WDFY4: variants seen among roughly 807,000 people sequenced by gnomAD.
WDFY4 encodes WD repeat- and FYVE domain-containing protein 4.
WDFY4 carries 169 observed loss-of-function variants against 351.9 expected under a neutral mutation model. The observed-to-expected ratio is 0.48, with a 90% CI of 0.42 to 0.55. The LOEUF (loss-of-function observed/expected upper bound fraction) is 0.55, where lower values mean the gene tolerates loss of function less well. Ranked by LOEUF, WDFY4 falls within the 20% of genes least tolerant of loss-of-function variation. The probability of loss-of-function intolerance (pLI) is 0.00; values close to 1 mark genes in which losing one functional copy is unlikely to be tolerated. For synonymous variants in WDFY4, 1,622 were observed against 1,574.6 expected, an observed-to-expected ratio of 1.03 and a Z score of -0.71; for missense variants, 3,803 against 3,935.6, an observed-to-expected ratio of 0.97 and a Z score of 0.90.
intron 23 of WDFY4, among the ~76,000 whole-genome samples, chr10:48,791,667 G>A (rs1337668159): frequency 6.6e-6 from 1 of 152,238 alleles, no homozygotes; most frequent in Non-Finnish European, 1.5e-5. Context: ...CACATGTCTG[G>A]GAGGCAGCCA....
intron 43 of WDFY4, among the ~76,000 whole-genome samples, chr10:48,889,468 A>G (rs1264437667): frequency 2.0e-5 from 3 of 149,732 alleles, no homozygotes; most frequent in Admixed American, 6.7e-5. Context: ...GCTGATCTTT[A>G]GTGAGAGTCT....
intron 47 of WDFY4, among the ~76,000 whole-genome samples, chr10:48,915,056 G>C (rs56078611): frequency 0.15 from 22,469 of 152,146 alleles, 1,984 homozygotes; most frequent in African/African-American, 0.23. Flanking sequence ...TGCATGCTTG[G>C]CTTAGAAGTC....
intron 1 of WDFY4, among the ~76,000 whole-genome samples, chr10:48,699,275 G>A (rs1043127498): frequency 2.0e-4 from 30 of 152,346 alleles, no homozygotes; most frequent in African/African-American, 6.0e-4. Flanking sequence ...CACACTCAGT[G>A]TTCAGAGCTT....
At position 48,714,259 on chromosome 10, in the gene WDFY4, T is replaced by A. The variant is rs1312057725; in HGVS notation, c.234+4293T>A. On this transcript the variant is annotated intron_variant, in intron 2 of 61. Coordinates refer to ENST00000325239, the MANE Select transcript of WDFY4 (RefSeq NM_001394531.1). ...GGTTTCTAGGATAAAGCAGGTCTGG[T>A]TTGTCTTTCCTTATTTCATGACTCA... is the stretch of plus-strand genomic sequence containing the variant. Among the ~76,000 whole-genome samples, 4 of 152,212 alleles carry A rather than the reference T, an allele frequency of 2.6e-5. No individual in the cohort carries two copies. The East Asian group carries it at 7.7e-4, about 29-fold the overall frequency.
At chr10:48,732,649 G>A (rs2064504217) in intron 9 of WDFY4, among the ~76,000 whole-genome samples, 1 of 152,146 alleles carries the variant, frequency 6.6e-6, no homozygotes, top group Non-Finnish European at 1.5e-5. Context: ...TGTCTTCCTC[G>A]GTAAAACAGG....
intron 28 of WDFY4, among the ~76,000 whole-genome samples, chr10:48,809,832 G>A (rs2067389091): frequency 6.6e-6 from 1 of 152,198 alleles, no homozygotes; most frequent in Non-Finnish European, 1.5e-5. Flanking sequence ...GCTCATTTCA[G>A]TGGATACCAG....
rs1172811533 is a variant in WDFY4, at chr10:48,729,514, A to G, written c.1054A>G (p.Arg352Gly). Residue 352 changes from arginine to glycine, a missense_variant, in exon 8 of 62, where the codon AGG (arginine) becomes GGG (glycine). By Grantham distance (125) the Arg-to-Gly change is moderately radical. Around this residue, in one of 3 missense-constraint regions of WDFY4, gnomAD observed 488 missense variants for 456.8 expected, o/e 1.07. Transcript: ENST00000325239. ...GLVVWLTTCG[R>G]SELKVFDSIT... Reference sequence around the variant, plus strand: ...GGTGGTGTGGCTGACAACCTGTGGGAGGTCAGAGCTGAAGGTGTTTGACAG... The same window carrying G: ...GGTGGTGTGGCTGACAACCTGTGGGGGGTCAGAGCTGAAGGTGTTTGACAG... 6.4e-7 allele frequency: 1 copy of G among 1,551,694 alleles called. No homozygotes were observed. Among genetic ancestry groups the G allele is most frequent in the Admixed American group, 2.0e-5 (1 of 51,004 alleles).
In WDFY4 at chr10:48,729,486, G is replaced by C; in HGVS notation, c.1026G>C (p.Gly342=). The C allele has an allele frequency of 6.4e-7, 1 of 1,551,694 alleles. No homozygotes were observed. Among genetic ancestry groups the C allele is most frequent in the Non-Finnish European group, 8.7e-7 (1 of 1,147,000 alleles). Residue 342 remains glycine (G), a synonymous_variant, in exon 8 of 62, where the codon GGG becomes GGC. Transcript: ENST00000325239. ...EVDPHLEELL[G]LVVWLTTCGR... ...ACCCGCATCTGGAGGAGCTCCTTGG[G>C]CTGGTGGTGTGGCTGACAACCTGTG...
At chr10:48,828,638 T>C (rs1351396454) in intron 36 of WDFY4, 140 bp from the exon 37 acceptor site, 1 of 544,496 alleles carries the variant, frequency 1.8e-6, no homozygotes, top group Non-Finnish European at 3.2e-6. Flanking sequence ...AAGTGTTTGC[T>C]TTAATTTGAT....
At chr10:48,799,583 G>A (rs2066988705) in intron 24 of WDFY4, among the ~76,000 whole-genome samples, 1 of 152,152 alleles carries the variant, frequency 6.6e-6, no homozygotes, top group Middle Eastern at 3.2e-3. Context: ...TACCAGCCTG[G>A]CCAACATGGT....
At chr10:48,777,220 A>C (rs905189579) in intron 16 of WDFY4, among the ~76,000 whole-genome samples, 199 bp from the exon 17 acceptor site, 2 of 152,032 alleles carry the variant, frequency 1.3e-5, no homozygotes, top group Non-Finnish European at 2.9e-5. Context: ...ACACCCTCCC[A>C]TCCTGCCTGC....
At chr10:48,756,817 T>G (rs899091472) in intron 12 of WDFY4, among the ~76,000 whole-genome samples, 1 of 152,120 alleles carries the variant, frequency 6.6e-6, no homozygotes, top group East Asian at 1.9e-4. Flanking sequence ...CCCTCGTTAT[T>G]TTATATGTAG....
chr10:48,781,553 C>T, intron 19 of WDFY4, among the ~76,000 whole-genome samples: 1 of 152,168 alleles, frequency 6.6e-6, no homozygotes, highest in Non-Finnish European at 1.5e-5. Flanking sequence ...GCCTTGCCCT[C>T]CCAAAGTGCT....
chr10:48,810,480 T>G (rs927089434), intron 28 of WDFY4, 50 bp from the exon 29 acceptor site: 15 of 1,498,692 alleles, frequency 1.0e-5, no homozygotes, highest in Non-Finnish European at 1.3e-5. Flanking sequence ...TCTGGACATG[T>G]CACTCGCTCA....
intron 44 of WDFY4, among the ~76,000 whole-genome samples, chr10:48,891,378 A>G (rs933210520): frequency 1.3e-5 from 2 of 152,226 alleles, no homozygotes; most frequent in African/African-American, 2.4e-5. Context: ...CTATTTGGGT[A>G]CAGTCAGCCC....
chr10:48,877,007 C>G (rs1309996517), intron 42 of WDFY4, 26 bp from the exon 43 acceptor site: 2 of 1,450,982 alleles, frequency 1.4e-6, no homozygotes, highest in Non-Finnish European at 9.1e-7. Flanking sequence ...CCTGTCAACA[C>G]CACGTGTCCC....
intron 51 of WDFY4, among the ~76,000 whole-genome samples, chr10:48,956,090 G>A (rs1183790230): frequency 1.3e-5 from 2 of 152,198 alleles, no homozygotes; most frequent in Admixed American, 1.3e-4. Context: ...CTGGAGGGAG[G>A]CACCTCTCTG....
intron 56 of WDFY4, among the ~76,000 whole-genome samples, chr10:48,969,656 C>G (rs1031833352): frequency 1.3e-5 from 2 of 152,166 alleles, no homozygotes; most frequent in African/African-American, 4.8e-5. Context: ...GTCCTCCCAG[C>G]CCCCGTGTAG....
At chr10:48,735,751 G>A (rs1271688624) in intron 10 of WDFY4, 129 bp from the exon 11 acceptor site, 7 of 947,168 alleles carry the variant, frequency 7.4e-6, no homozygotes, top group South Asian at 3.5e-5. Context: ...ATCTACCAGT[G>A]AGCAAAAGAG....
Sources: allele counts gnomAD v4.1 joint callset (sites outside exome capture counted in the v4.1 genomes callset), GRCh38; gene constraint gnomAD v4.1.1; regional missense constraint gnomAD v4.1.1; transcripts MANE v1.5; gene names NCBI Gene and HGNC (gene_info 2026-07-23, HGNC 2026-07-21).